DNER: variants seen among roughly 807,000 people sequenced by gnomAD.
The protein encoded by DNER is delta/notch like EGF repeat containing, also known as delta and Notch-like epidermal growth factor-related receptor.
A neutral mutation model predicts 78.2 loss-of-function variants in DNER; 33 were observed. That is an observed-to-expected ratio of 0.42 (90% confidence interval 0.32 to 0.56). The LOEUF (loss-of-function observed/expected upper bound fraction) is 0.56. Among genes scored for constraint, DNER ranks in the 20% least tolerant of loss-of-function variants. The pLI, the probability that DNER is intolerant of heterozygous loss-of-function variation, is 0.11. For synonymous variants in DNER, 417 were observed against 384.8 expected, an observed-to-expected ratio of 1.08 and a Z score of -0.98; for missense variants, 918 against 975.3, an observed-to-expected ratio of 0.94 and a Z score of 0.78.
At position 229,358,469 on chromosome 2, in the gene DNER, C is replaced by A; in HGVS notation, c.*71G>T. 1.6e-6 allele frequency: 2 copies of A among 1,221,446 alleles called. No individual in the cohort carries two copies. Among genetic ancestry groups the A allele is most frequent in the East Asian group, 2.7e-5 (1 of 36,834 alleles). The allele number at this position is 1,221,446 out of a possible 1,614,324, so 75.7% of individuals were successfully genotyped here. On this transcript the variant is annotated 3_prime_UTR_variant, in exon 13 of 13. Coordinates refer to ENST00000341772, the MANE Select transcript of DNER (RefSeq NM_139072.4). The stretch of plus-strand genomic sequence containing the variant: ...CAGCTAGCATTTTAAATTTCTTAAG[C>A]TTTTTATTTTCTTAAAAATATTTAA...
At chr2:229,450,519 A>G (rs1166006783) in intron 7 of DNER, among the ~76,000 whole-genome samples, 1 of 152,240 alleles carries the variant, frequency 6.6e-6, no homozygotes, top group Admixed American at 6.5e-5. Flanking sequence ...TAAAATTCAT[A>G]TTTTGAAGCC....
chr2:229,435,652 A>G (rs1694108017), intron 8 of DNER, among the ~76,000 whole-genome samples: 2 of 152,200 alleles, frequency 1.3e-5, no homozygotes, highest in African/African-American at 2.4e-5. Flanking sequence ...GTTTAGACCT[A>G]CTTTAATTGG....
intron 4 of DNER, among the ~76,000 whole-genome samples, chr2:229,553,350 A>G (rs1425852943): frequency 6.6e-6 from 1 of 152,168 alleles, no homozygotes; most frequent in Non-Finnish European, 1.5e-5. Context: ...AGTTCCCCAC[A>G]TTCTATGCAG....
At chr2:229,684,145 T>TGAGA (rs67820927) in intron 1 of DNER, among the ~76,000 whole-genome samples, 112 of 123,042 alleles carry the variant, frequency 9.1e-4, no homozygotes, top group Middle Eastern at 8.4e-3. Context: ...TCTGTGTATG[T>TGAGA]GAGAGAGAGA....
chr2:229,462,444 T>C (rs1373133803), intron 7 of DNER, among the ~76,000 whole-genome samples: 1 of 152,036 alleles, frequency 6.6e-6, no homozygotes, highest in Non-Finnish European at 1.5e-5. Context: ...GTCAGAAACC[T>C]AGGAGTCATA....
At chr2:229,563,661 A>C (rs1344533239) in intron 4 of DNER, among the ~76,000 whole-genome samples, 1 of 139,658 alleles carries the variant, frequency 7.2e-6, no homozygotes, top group Non-Finnish European at 1.5e-5. Context: ...TCACCCCATC[A>C]CCATCATCAT....
chr2:229,655,488 G>A (rs1698897591), intron 1 of DNER, among the ~76,000 whole-genome samples: 2 of 152,160 alleles, frequency 1.3e-5, no homozygotes, highest in Non-Finnish European at 2.9e-5. Flanking sequence ...AGATCCAGGA[G>A]TGCAGAGGCA....
At chr2:229,648,807 A>C (rs1044363215) in intron 1 of DNER, among the ~76,000 whole-genome samples, 2 of 152,230 alleles carry the variant, frequency 1.3e-5, no homozygotes, top group Non-Finnish European at 2.9e-5. Context: ...CTCTGATTCA[A>C]ATGCAAAAAG....
At chr2:229,643,452 T>C (rs1380936386) in intron 1 of DNER, among the ~76,000 whole-genome samples, 1 of 152,204 alleles carries the variant, frequency 6.6e-6, no homozygotes, top group Non-Finnish European at 1.5e-5. Context: ...ATTAGCAGGA[T>C]AATCCCTGCC....
At chr2:229,510,132 C>T (rs73998257) in intron 6 of DNER, among the ~76,000 whole-genome samples, 10,116 of 126,006 alleles carry the variant, frequency 0.08, 771 homozygotes, top group African/African-American at 0.19. Flanking sequence ...ATTACAGAGG[C>T]AAAAGGTAAA....
Position 229,502,419 on chromosome 2 carries a change from A to G in DNER, c.1147+10364T>C, listed in dbSNP as rs561709907. 2.0e-5 allele frequency among the ~76,000 whole-genome samples: 3 copies of G among 148,204 alleles called. No individual in the cohort carries two copies. In the South Asian group the frequency reaches 6.7e-4, roughly 33 times the overall value. On this transcript the variant is annotated intron_variant, in intron 6 of 12. Transcript: ENST00000341772. The stretch of plus-strand genomic sequence containing the variant: ...CACCCTCCTTGGGCACATAATGCCA[A>G]AACTGTACTGCTTGTCAATAAGAGA...
At chr2:229,447,657 A>T in intron 7 of DNER, 117 bp from the exon 8 acceptor site, 4 of 1,143,156 alleles carry the variant, frequency 3.5e-6, no homozygotes, top group Non-Finnish European at 5.0e-6. Flanking sequence ...CAGCTTCCAG[A>T]TATGTCACAA....
chr2:229,442,057 G>A (rs1559352830), intron 8 of DNER, among the ~76,000 whole-genome samples: 1 of 152,174 alleles, frequency 6.6e-6, no homozygotes, highest in Non-Finnish European at 1.5e-5. Flanking sequence ...TCCATTTGGG[G>A]TCCCAATGGT....
chr2:229,418,871 A>C (rs1181950724), intron 8 of DNER, among the ~76,000 whole-genome samples: 1 of 152,062 alleles, frequency 6.6e-6, no homozygotes, highest in African/African-American at 2.4e-5. Context: ...CAGTGAGCCA[A>C]GATTGTACCA....
chr2:229,626,056 A>C (rs1226400637), intron 1 of DNER, among the ~76,000 whole-genome samples: 1 of 151,964 alleles, frequency 6.6e-6, no homozygotes, highest in Non-Finnish European at 1.5e-5. Context: ...AGTAGCTGGG[A>C]TTACAGGCAC....
At chr2:229,559,719 C>T (rs1696920822) in intron 4 of DNER, among the ~76,000 whole-genome samples, 1 of 152,142 alleles carries the variant, frequency 6.6e-6, no homozygotes, top group African/African-American at 2.4e-5. Flanking sequence ...GGAGATTTCC[C>T]TAATGAGTTT....
At chr2:229,533,739 G>A (rs114275532) in intron 5 of DNER, among the ~76,000 whole-genome samples, 43 of 152,266 alleles carry the variant, frequency 2.8e-4, no homozygotes, top group African/African-American at 9.6e-4. Flanking sequence ...ACAAACTGTG[G>A]TTATTCAGAC....
At chr2:229,550,487 G>A (rs1034446511) in intron 4 of DNER, among the ~76,000 whole-genome samples, 21 of 151,982 alleles carry the variant, frequency 1.4e-4, no homozygotes, top group African/African-American at 4.8e-4. Context: ...TTATAAGTAC[G>A]TTAAGTTGGC....
chr2:229,474,620 C>A (rs1208442967), intron 7 of DNER, among the ~76,000 whole-genome samples: 3 of 152,130 alleles, frequency 2.0e-5, no homozygotes, highest in Non-Finnish European at 4.4e-5. Flanking sequence ...TAGATGAGAC[C>A]AGGCTTCTTC....
Sources: allele counts gnomAD v4.1 joint callset (sites outside exome capture counted in the v4.1 genomes callset), GRCh38; gene constraint gnomAD v4.1.1; transcripts MANE v1.5; gene names NCBI Gene and HGNC (gene_info 2026-07-23, HGNC 2026-07-21).